Variants in HEATR5A observed in about 807,000 individuals in gnomAD.
The protein encoded by HEATR5A is HEAT repeat-containing protein 5A.
Under a neutral mutation model 218.8 loss-of-function variants are expected in HEATR5A, and 178 were observed. The ratio of observed to expected loss-of-function variants is 0.81; its 90% confidence interval spans 0.72 to 0.92. HEATR5A has a LOEUF of 0.92. Among genes scored for constraint, HEATR5A ranks in the 40% least tolerant of loss-of-function variants. HEATR5A has a pLI of 0.00. For missense variants in HEATR5A, 2,420 were observed against 2,418.9 expected (o/e 1.00, Z -0.01); for synonymous variants, 864 against 871.6 (o/e 0.99, Z 0.15).
At chr14:31,297,682 C>T (rs1899234659) in intron 33 of HEATR5A, 1 of 152,048 alleles carries the variant, frequency 6.6e-6, no homozygotes, top group Admixed American at 6.6e-5. Context: ...AAAATAAGTA[C>T]ACAGTTAATA....
intron 17 of HEATR5A, 145 bp downstream of exon 17, chr14:31,350,467 C>G (rs1901181292): frequency 5.0e-6 from 3 of 599,766 alleles, no homozygotes; most frequent in Non-Finnish European, 8.8e-6. Context: ...AGGAGAATTC[C>G]AAATCCTGAA....
At chr14:31,362,503 C>T (rs1407005248) in intron 14 of HEATR5A, among the ~76,000 whole-genome samples, 1 of 147,570 alleles carries the variant, frequency 6.8e-6, no homozygotes. Context: ...TGGCTCATGA[C>T]TGTAATCCCA....
chr14:31,314,310 T>C (rs1272797720), intron 27 of HEATR5A, among the ~76,000 whole-genome samples: 1 of 151,988 alleles, frequency 6.6e-6, no homozygotes, highest in Non-Finnish European at 1.5e-5. Flanking sequence ...CCAAGCTGGA[T>C]GGTGCGATCT....
intron 18 of HEATR5A, among the ~76,000 whole-genome samples, chr14:31,349,217 G>A (rs1260577595): frequency 1.3e-5 from 2 of 151,882 alleles, no homozygotes; most frequent in East Asian, 1.9e-4. Context: ...GAGAAACCCC[G>A]TCTCTACTAA....
intron 1 of HEATR5A, among the ~76,000 whole-genome samples, chr14:31,410,182 C>G (rs1351491373): frequency 1.3e-5 from 2 of 152,130 alleles, no homozygotes; most frequent in African/African-American, 4.8e-5. Context: ...ACGTCTCAGA[C>G]TTAAATTTCA....
At chr14:31,336,895 T>C (rs1325541068) in intron 22 of HEATR5A, among the ~76,000 whole-genome samples, 1 of 152,194 alleles carries the variant, frequency 6.6e-6, no homozygotes, top group Non-Finnish European at 1.5e-5. Flanking sequence ...AGAGTGTACT[T>C]ACCCAAACCT....
intron 21 of HEATR5A, among the ~76,000 whole-genome samples, chr14:31,341,768 T>TA (rs958495341): frequency 8.6e-5 from 13 of 151,236 alleles, no homozygotes; most frequent in Admixed American, 4.6e-4. Context: ...CTTTAATTAA[T>TA]AAAAAAATCA....
chr14:31,299,169 T>C (rs1032065284), intron 33 of HEATR5A, among the ~76,000 whole-genome samples: 2 of 152,196 alleles, frequency 1.3e-5, no homozygotes, highest in African/African-American at 4.8e-5. Flanking sequence ...TAGCCCAGAC[T>C]ACTTTTGAAA....
At position 31,358,757 on chromosome 14, in the gene HEATR5A, A is replaced by G. The variant is rs1207877788; in HGVS notation, c.2291T>C (p.Ile764Thr). The G allele has an allele frequency of 6.8e-6, 11 of 1,613,970 alleles. No homozygotes were observed. The highest frequency in any genetic ancestry group is 9.3e-6 in the Non-Finnish European group (11 of 1,179,896). The change falls in exon 16 of 36, where the codon ATT (isoleucine) becomes ACT (threonine). Residue 764 changes from isoleucine to threonine, a missense_variant. Transcript: ENST00000543095. ...ATCTCCCTCTACATCTTTCTCATAA[A>G]TCGAATAAGGGTCATATTCAAGACT... is the stretch of plus-strand genomic sequence containing the variant. ...CGSLEYDPYSIYEKDVEGDSV... is the reference protein window; with the variant it reads ...CGSLEYDPYSTYEKDVEGDSV...
At chr14:31,310,686 C>T (rs1168699349) in intron 28 of HEATR5A, among the ~76,000 whole-genome samples, 2 of 151,692 alleles carry the variant, frequency 1.3e-5, no homozygotes, top group Admixed American at 6.6e-5. Context: ...AATTTTTTTT[C>T]CACTTAACAT....
intron 22 of HEATR5A, among the ~76,000 whole-genome samples, chr14:31,330,305 T>C (rs966432411): frequency 1.1e-4 from 17 of 152,152 alleles, no homozygotes; most frequent in Admixed American, 1.3e-4. Context: ...GCCTGAGCTG[T>C]ACCTTGGTCC....
At chr14:31,313,446 A>G (rs1388976901) in intron 27 of HEATR5A, among the ~76,000 whole-genome samples, 1 of 152,188 alleles carries the variant, frequency 6.6e-6, no homozygotes, top group Non-Finnish European at 1.5e-5. Context: ...CACATTTACA[A>G]TCATAATATT....
At chr14:31,379,806 A>T (rs1240265860) in intron 11 of HEATR5A, among the ~76,000 whole-genome samples, 4 of 152,068 alleles carry the variant, frequency 2.6e-5, no homozygotes, top group Admixed American at 1.3e-4. Flanking sequence ...AAATTTTTTT[A>T]AATTAGCCAG....
At chr14:31,308,071 T>C (rs1430608932) in intron 29 of HEATR5A, 51 bp from the exon 30 acceptor site, 7 of 1,487,444 alleles carry the variant, frequency 4.7e-6, no homozygotes, top group Non-Finnish European at 6.3e-6. Flanking sequence ...TATTAGTTTA[T>C]GAAATTAAGT....
intron 1 of HEATR5A, among the ~76,000 whole-genome samples, chr14:31,415,750 G>T (rs1406541521): frequency 6.6e-6 from 1 of 151,872 alleles, no homozygotes; most frequent in African/African-American, 2.4e-5. Context: ...GTATTATTTT[G>T]TGTACAGACA....
intron 16 of HEATR5A, among the ~76,000 whole-genome samples, chr14:31,352,828 T>G (rs1221778698): frequency 1.3e-5 from 2 of 151,948 alleles, no homozygotes; most frequent in Admixed American, 1.3e-4. Flanking sequence ...CGTGGTGGCA[T>G]GTGCCTGTAC....
In HEATR5A at chr14:31,380,503, C is replaced by A; in HGVS notation, c.1672G>T (p.Ala558Ser). 1 of 1,608,972 alleles carries A rather than the reference C, an allele frequency of 6.2e-7. No individual in the cohort carries two copies. The highest frequency in any genetic ancestry group is 8.5e-7 in the Non-Finnish European group (1 of 1,177,616). ...AGAGCAGAAATCAGCAACCATCCAG[C>A]TTGTGTGCGCTGAGCTGAAAGGCGA... ...NSRLSAQRTQ[A>S]GWLLISALMT... The change falls in exon 11 of 36, where the codon GCT (alanine) becomes TCT (serine). Residue 558 changes from alanine (A) to serine (S), a missense_variant. Transcript: ENST00000543095.
At chr14:31,409,295 G>A (rs1200468270) in intron 1 of HEATR5A, among the ~76,000 whole-genome samples, 5 of 150,904 alleles carry the variant, frequency 3.3e-5, no homozygotes, top group South Asian at 2.1e-4. Flanking sequence ...TGATCCAACC[G>A]CCTCGGCATC....
In HEATR5A at chr14:31,345,167, G is replaced by A. The variant is rs1900980668; in HGVS notation, c.2978C>T (p.Pro993Leu). Residue 993 changes from proline (P) to leucine (L), a missense_variant, in exon 20 of 36, where the codon CCT becomes CTT. Transcript: ENST00000543095. ...TTGGTGAACTTCAGCATGAGTAGGA[G>A]GCACATTTAACAACAACATTATAAT... Reference protein sequence around the residue: ...SLIIMLLLNVPPTHAEVHQSL... With the variant: ...SLIIMLLLNVLPTHAEVHQSL... 1 of 1,613,766 alleles carries A rather than the reference G, an allele frequency of 6.2e-7. No homozygotes were observed. Among genetic ancestry groups the A allele is most frequent in the Non-Finnish European group, 8.5e-7 (1 of 1,179,838 alleles).
Sources: allele counts gnomAD v4.1 joint callset (sites outside exome capture counted in the v4.1 genomes callset), GRCh38; gene constraint gnomAD v4.1.1; transcripts MANE v1.5; gene names NCBI Gene and HGNC (gene_info 2026-07-23, HGNC 2026-07-21).